Variants in RADIL observed in about 807,000 individuals in gnomAD.
The protein encoded by RADIL is ras-associating and dilute domain-containing protein.
In RADIL, 99 loss-of-function variants were observed where a neutral mutation model predicts 97.6. The observed-to-expected ratio is 1.01, with a 90% CI of 0.86 to 1.20. RADIL has a LOEUF of 1.20. RADIL is among the 50% of genes most tolerant of loss of function. The probability of loss-of-function intolerance (pLI) is 0.00; values close to 1 mark genes in which losing one functional copy is unlikely to be tolerated. For missense variants in RADIL, 1,765 were observed against 1,498.9 expected (o/e 1.18, Z -2.93); for synonymous variants, 803 against 691.8 (o/e 1.16, Z -2.52).
chr7:4,834,725 T>C lies in RADIL; in HGVS notation c.1298A>G (p.Lys433Arg), dbSNP rs778363011. ...TLIEPGGDDH[K>R]LTPAFLLCLC... ...GCACAGGAGGAAGGCGGGGGTCAGCTTGTGGTCGTCGCCCCCCGGCTCGAT... is the reference window on the plus strand; with the variant it reads ...GCACAGGAGGAAGGCGGGGGTCAGCCTGTGGTCGTCGCCCCCCGGCTCGAT... Residue 433 changes from lysine (K) to arginine (R), a missense_variant, in exon 4 of 15, where the codon AAG (lysine) becomes AGG (arginine). Transcript: ENST00000399583. The surrounding 1 kb of genome is among the most constrained non-coding windows in gnomAD (Gnocchi z 6.0). The C allele has an allele frequency of 1.4e-6, 2 of 1,411,726 alleles. No homozygotes were observed. The highest frequency in any genetic ancestry group is 2.8e-5 in the East Asian group (1 of 36,222). The allele number at this position is 1,411,726 out of a possible 1,614,324, so 87.4% of individuals were successfully genotyped here. A position where few individuals can be genotyped will look rare whatever the true frequency, so the allele number is the denominator to read the frequency against.
intron 2 of RADIL, chr7:4,861,283 T>C (rs556340574): frequency 4.3e-6 from 7 of 1,614,160 alleles, no homozygotes; most frequent in South Asian, 2.2e-5. Context: ...GAATAGTCTG[T>C]AGTGCTAATC....
intron 12 of RADIL, among the ~76,000 whole-genome samples, chr7:4,801,077 C>T (rs975799911): frequency 1.3e-5 from 2 of 151,884 alleles, no homozygotes; most frequent in Non-Finnish European, 2.9e-5. Flanking sequence ...CCCATGCACA[C>T]GTGCACTTAC....
intron 11 of RADIL, among the ~76,000 whole-genome samples, chr7:4,802,870 C>T (rs1299251702): frequency 3.3e-5 from 4 of 121,298 alleles, no homozygotes; most frequent in African/African-American, 7.1e-5. Flanking sequence ...CCGGGCACCT[C>T]GGGGCACTCT....
intron 2 of RADIL, among the ~76,000 whole-genome samples, chr7:4,868,297 C>T (rs1168738544): frequency 6.6e-6 from 1 of 152,204 alleles, no homozygotes; most frequent in African/African-American, 2.4e-5. Context: ...CTCCTGACCT[C>T]GTGATCCGCC....
At position 4,854,562 on chromosome 7, in the gene RADIL, C is replaced by T. The variant is rs1045483299; in HGVS notation, c.536-17957G>A. On this transcript the variant is annotated intron_variant, in intron 2 of 14. Transcript: ENST00000399583. The surrounding 1 kb of genome is among the most constrained non-coding windows in gnomAD (Gnocchi z 5.1). ...TACAAAAATTAGCTGGGTATGTTGGCGGGCGCCTGTAATCCCAGCTACTCG... is the reference window on the plus strand; with the variant it reads ...TACAAAAATTAGCTGGGTATGTTGGTGGGCGCCTGTAATCCCAGCTACTCG... Among the ~76,000 whole-genome samples, 3 of 151,994 alleles carry T rather than the reference C, an allele frequency of 2.0e-5. No homozygotes were observed. The highest frequency in any genetic ancestry group is 2.9e-5 in the Non-Finnish European group (2 of 68,004).
At position 4,815,238 on chromosome 7, in the gene RADIL, G is replaced by T; in HGVS notation, c.2139+40C>A. On this transcript the variant is annotated intron_variant, in intron 9 of 14. Coordinates refer to ENST00000399583, the MANE Select transcript of RADIL (RefSeq NM_018059.5). The surrounding 1 kb of genome is among the most constrained non-coding windows in gnomAD (Gnocchi z 8.0). ...CCAGGGACCCACAGCATGTGGCCCC[G>T]CCCCTCCCCACACTCGCCGCCTCCC... 6.7e-7 allele frequency: 1 copy of T among 1,482,696 alleles called. No homozygotes were observed. The highest frequency in any genetic ancestry group is 9.0e-7 in the Non-Finnish European group (1 of 1,111,300). 91.8% of individuals were successfully genotyped at this position (1,482,696 alleles called of 1,614,324 possible).
intron 2 of RADIL, chr7:4,859,708 T>C (rs922851510): frequency 8.5e-6 from 5 of 586,956 alleles, no homozygotes; most frequent in African/African-American, 5.6e-5. Flanking sequence ...TAACAGGAAT[T>C]GGATTTGCAG....
At chr7:4,875,362 C>G (rs1784351850) in intron 2 of RADIL, among the ~76,000 whole-genome samples, 1 of 151,760 alleles carries the variant, frequency 6.6e-6, no homozygotes, top group East Asian at 1.9e-4. Flanking sequence ...CATTGCACTC[C>G]AGCCTGGGCG....
intron 2 of RADIL, chr7:4,861,130 G>C: frequency 6.2e-7 from 1 of 1,614,180 alleles, no homozygotes; most frequent in Non-Finnish European, 8.5e-7. Flanking sequence ...ACAGTTTGAT[G>C]GCTCTCAGAG....
intron 13 of RADIL, 31 bp from the exon 14 acceptor site, chr7:4,799,800 C>G: frequency 6.8e-7 from 1 of 1,478,114 alleles, no homozygotes; most frequent in Non-Finnish European, 8.9e-7. Flanking sequence ...CAGAGCTCCG[C>G]AGGCCCGACT....
chr7:4,834,655 G>T lies in RADIL; in HGVS notation c.1368C>A (p.Phe456Leu). The T allele has an allele frequency of 1.5e-6, 2 of 1,361,126 alleles. No homozygotes were observed. Among genetic ancestry groups the T allele is most frequent in the Non-Finnish European group, 1.9e-6 (2 of 1,049,706 alleles). The allele number at this position is 1,361,126 out of a possible 1,614,324, so 84.3% of individuals were successfully genotyped here. ...HSATHFQPGTFGQLLLKIARL... is the reference protein window; with the variant it reads ...HSATHFQPGTLGQLLLKIARL... Reference sequence around the variant, plus strand: ...TGGCTATCTTGAGCAGGAGCTGCCCGAATGTGCCCGGCTGGAAGTGGGTGG... The same window carrying T: ...TGGCTATCTTGAGCAGGAGCTGCCCTAATGTGCCCGGCTGGAAGTGGGTGG... Residue 456 changes from phenylalanine to leucine, a missense_variant, in exon 4 of 15, where the codon TTC becomes TTA. By Grantham distance (22) the Phe-to-Leu change is conservative. Transcript: ENST00000399583. The surrounding 1 kb of genome is among the most constrained non-coding windows in gnomAD (Gnocchi z 6.0).
chr7:4,822,458 CA>C lies in RADIL; in HGVS notation c.1550del (p.Leu517ArgfsTer33), dbSNP rs1332224244. ...GTGGGCATTTCTGCTGGATAAAGTA[CA>C]GGAGCTCGATGGAGTTAGACATCCA... ...LFWMSNSIELLYFIQQKCPLY... is the reference protein window; with the variant it reads ...LFWMSNSIELXYFIQQKCPLY... On this transcript the variant is annotated frameshift_variant, in exon 6 of 15. Transcript: ENST00000399583. LOFTEE classifies it high-confidence loss of function. The surrounding 1 kb of genome is among the most constrained non-coding windows in gnomAD (Gnocchi z 5.3). The C allele has an allele frequency of 1.2e-6, 2 of 1,613,062 alleles. No individual in the cohort carries two copies. Among genetic ancestry groups the C allele is most frequent in the Non-Finnish European group, 1.7e-6 (2 of 1,179,994 alleles).
In RADIL at chr7:4,840,903, G is replaced by C. The variant is rs1227899635; in HGVS notation, c.536-4298C>G. The stretch of plus-strand genomic sequence containing the variant: ...AATGGCTTGAACCCAGGAGGTGGAG[G>C]TTGCAGTGACCTGAGATCGCACCAC... On this transcript the variant is annotated intron_variant, in intron 2 of 14. Transcript: ENST00000399583. The surrounding 1 kb of genome is among the most constrained non-coding windows in gnomAD (Gnocchi z 5.6). Among the ~76,000 whole-genome samples, 1 of 152,188 alleles carries C rather than the reference G, an allele frequency of 6.6e-6. No individual in the cohort carries two copies. Among genetic ancestry groups the C allele is most frequent in the Non-Finnish European group, 1.5e-5 (1 of 68,032 alleles).
At chr7:4,811,649 G>C (rs1040931875) in intron 9 of RADIL, among the ~76,000 whole-genome samples, 1 of 151,254 alleles carries the variant, frequency 6.6e-6, no homozygotes, top group East Asian at 1.9e-4. Flanking sequence ...CACCGTGCCC[G>C]GCTAATTTTT....
At position 4,822,475 on chromosome 7, in the gene RADIL, T is replaced by A. The variant is rs1382017728; in HGVS notation, c.1534A>T (p.Asn512Tyr). 6.2e-7 allele frequency: 1 copy of A among 1,612,932 alleles called. No individual in the cohort carries two copies. The highest frequency in any genetic ancestry group is 8.5e-7 in the Non-Finnish European group (1 of 1,179,998). The change falls in exon 6 of 15, where the codon AAC becomes TAC. Residue 512 changes from asparagine to tyrosine, a missense_variant. Physicochemically the swap from Asn to Tyr is moderately radical, Grantham distance 143. Transcript: ENST00000399583. This position sits in a 1 kb window ranked among gnomAD's most constrained non-coding sequence, Gnocchi z 5.3. ...DLQPILFWMS[N>Y]SIELLYFIQQ... ...ATAAAGTACAGGAGCTCGATGGAGT[T>A]AGACATCCAGAAAAGAATGGGCTGC...
In RADIL at chr7:4,801,667, C is replaced by A; in HGVS notation, c.2828G>T (p.Gly943Val). The change falls in exon 12 of 15, where the codon GGT becomes GTT. Residue 943 changes from glycine to valine, a missense_variant. Coordinates refer to ENST00000399583, the MANE Select transcript of RADIL (RefSeq NM_018059.5). ...RQRNGLSGLR[G>V]AAPEGDSAAL... ...GCAGGGCTCACCTTCCGGAGCTGCA[C>A]CCCGGAGGCCGCTGAGTCCGTTCCT... 2 of 1,599,774 alleles carry A rather than the reference C, an allele frequency of 1.3e-6. No individual in the cohort carries two copies. The highest frequency in any genetic ancestry group is 1.7e-6 in the Non-Finnish European group (2 of 1,174,422).
intron 2 of RADIL, among the ~76,000 whole-genome samples, chr7:4,856,134 G>A (rs1032302996): frequency 5.4e-5 from 8 of 147,748 alleles, no homozygotes; most frequent in South Asian, 2.1e-4. Context: ...GACTCTCACC[G>A]TCACCCAGGC....
intron 9 of RADIL, chr7:4,811,210 A>G (rs927253119): frequency 1.6e-4 from 24 of 152,182 alleles, no homozygotes; most frequent in African/African-American, 5.5e-4. Context: ...AAGTGAAGCA[A>G]TGCGAGTGGA....
Position 4,878,195 on chromosome 7 carries a change from G to C in RADIL, c.-56C>G. 2 of 1,453,206 alleles carry C rather than the reference G, an allele frequency of 1.4e-6. No individual in the cohort carries two copies. The highest frequency in any genetic ancestry group is 1.8e-6 in the Non-Finnish European group (2 of 1,101,436). The allele number at this position is 1,453,206 out of a possible 1,614,324, so 90.0% of individuals were successfully genotyped here. ...GGGCTTCAGCCAAAGGATGTGGGGAGGCCGTGACCTGGGTGAAAAAGTGAG... is the reference window on the plus strand; with the variant it reads ...GGGCTTCAGCCAAAGGATGTGGGGACGCCGTGACCTGGGTGAAAAAGTGAG... On this transcript the variant is annotated 5_prime_UTR_variant, in exon 2 of 15. Transcript: ENST00000399583. The surrounding 1 kb of genome is among the most constrained non-coding windows in gnomAD (Gnocchi z 4.1).
Sources: allele counts gnomAD v4.1 joint callset (sites outside exome capture counted in the v4.1 genomes callset), GRCh38; gene constraint gnomAD v4.1.1; non-coding constraint Gnocchi (gnomAD v3.1); transcripts MANE v1.5; gene names NCBI Gene and HGNC (gene_info 2026-07-23, HGNC 2026-07-21).